The following HECW1 variants were observed in gnomAD, a reference collection of about 807,000 sequenced individuals.
HECW1 encodes HECT, C2 and WW domain containing E3 ubiquitin protein ligase 1, also known as E3 ubiquitin-protein ligase HECW1.
In HECW1, 61 loss-of-function variants were observed where a neutral mutation model predicts 182.3. That is an observed-to-expected ratio of 0.33 (90% confidence interval 0.27 to 0.41). The LOEUF is 0.41. Ranked by LOEUF, HECW1 falls within the 10% of genes least tolerant of loss-of-function variation. HECW1 has a pLI of 1.00. For synonymous variants in HECW1, 859 were observed against 832.6 expected, an observed-to-expected ratio of 1.03 and a Z score of -0.55; for missense variants, 1,739 against 2,108.9, an observed-to-expected ratio of 0.82 and a Z score of 3.44.
chr7:43,245,504 G>T (rs1799302332), intron 3 of HECW1: 1 of 152,180 alleles, frequency 6.6e-6, no homozygotes, highest in Admixed American at 6.5e-5. Context: ...GGAAGTTAGG[G>T]CTTCTCAGTC....
chr7:43,554,007 G>T (rs1400120344), intron 28 of HECW1, among the ~76,000 whole-genome samples: 1 of 152,130 alleles, frequency 6.6e-6, no homozygotes, highest in Non-Finnish European at 1.5e-5. Flanking sequence ...TCCAAGCATG[G>T]TCTCCCCAGC....
intron 2 of HECW1, among the ~76,000 whole-genome samples, chr7:43,137,266 A>G (rs766001331): frequency 2.6e-5 from 4 of 152,140 alleles, no homozygotes; most frequent in Non-Finnish European, 5.9e-5. Flanking sequence ...TGATGCTTTC[A>G]GCAGAGCCTC....
Position 43,172,085 on chromosome 7 carries a change from C to T in HECW1, c.-32+57694C>T, listed in dbSNP as rs182631497. Among the ~76,000 whole-genome samples the T allele has an allele frequency of 5.4e-5, 8 of 148,706 alleles. No individual in the cohort carries two copies. The East Asian group carries it at 1.6e-3, about 29-fold the overall frequency. On this transcript the variant is annotated intron_variant, in intron 2 of 29. Coordinates refer to ENST00000395891, the MANE Select transcript of HECW1 (RefSeq NM_015052.5). ...TTGAGGTCTGGCGTTCAAAACCAGC[C>T]TGGCCAACGTGATAAGACTCTGTCT...
At chr7:43,519,252 C>CT (rs879834750) in intron 24 of HECW1, among the ~76,000 whole-genome samples, 73 of 143,884 alleles carry the variant, frequency 5.1e-4, no homozygotes, top group Admixed American at 9.0e-4. Context: ...AGAGTGCAGA[C>CT]TTTTTTTTTT....
intron 6 of HECW1, among the ~76,000 whole-genome samples, chr7:43,375,480 T>A (rs950110821): frequency 2.0e-5 from 3 of 152,206 alleles, no homozygotes; most frequent in African/African-American, 7.2e-5. Flanking sequence ...TATAAAGAGA[T>A]ATGCTGAAAT....
intron 2 of HECW1, among the ~76,000 whole-genome samples, chr7:43,210,755 A>G (rs1795938246): frequency 6.6e-6 from 1 of 152,194 alleles, no homozygotes; most frequent in Non-Finnish European, 1.5e-5. Flanking sequence ...CCCAATCCAG[A>G]GCAGCAATGG....
At chr7:43,477,266 G>A (rs1409818337) in intron 16 of HECW1, among the ~76,000 whole-genome samples, 1 of 152,068 alleles carries the variant, frequency 6.6e-6, no homozygotes, top group Admixed American at 6.6e-5. Flanking sequence ...TATTAGTATG[G>A]ATCAATAATC....
chr7:43,316,742 T>C (rs1809312477), intron 4 of HECW1, among the ~76,000 whole-genome samples: 1 of 50,200 alleles, frequency 2.0e-5, no homozygotes, highest in Non-Finnish European at 4.4e-5. Context: ...ACAGCATCCA[T>C]TCCAGTTCTC....
chr7:43,547,313 C>A (rs2081602310), intron 26 of HECW1, among the ~76,000 whole-genome samples: 1 of 152,098 alleles, frequency 6.6e-6, no homozygotes, highest in East Asian at 1.9e-4. Flanking sequence ...CTTTGGGAGG[C>A]CAAGGTGGGC....
intron 2 of HECW1, among the ~76,000 whole-genome samples, chr7:43,153,566 T>C (rs1789574099): frequency 6.6e-6 from 1 of 152,150 alleles, no homozygotes; most frequent in East Asian, 1.9e-4. Context: ...TTCTTTGTAT[T>C]GGTTGTGCAG....
rs753215407 is a variant in HECW1, at chr7:43,466,541, G to A, written c.2886G>A (p.Glu962=). 8 of 1,613,936 alleles carry A rather than the reference G, an allele frequency of 5.0e-6. No homozygotes were observed. Among genetic ancestry groups the A allele is most frequent in the Middle Eastern group, 1.7e-4 (1 of 6,054 alleles). Residue 962 remains glutamate (E), a synonymous_variant, in exon 15 of 30, where the codon GAG becomes GAA. Coordinates refer to ENST00000395891, the MANE Select transcript of HECW1 (RefSeq NM_015052.5). ...SPAVKFITNP[E]FFTVLHANYS... ...CGGTCAAGTTCATCACCAACCCCGAGTTCTTCACTGTGCTACATGCCAATT... is the reference window on the plus strand; with the variant it reads ...CGGTCAAGTTCATCACCAACCCCGAATTCTTCACTGTGCTACATGCCAATT...
At position 43,565,576 on chromosome 7, in the gene HECW1, A is replaced by T. The variant is rs555810205; in HGVS notation, c.*3650A>T. The T allele has an allele frequency of 3.4e-4, 56 of 163,240 alleles. 1 individual carries two copies. The South Asian group carries it at 4.5e-3, about 13-fold the overall frequency. 10.1% of individuals were successfully genotyped at this position (163,240 alleles called of 1,614,324 possible). The stretch of plus-strand genomic sequence containing the variant: ...GTGGTGCTTTATTATTATTATTATT[A>T]TTATTTTTATTATTATTATTATTAC... On this transcript the variant is annotated 3_prime_UTR_variant, in exon 30 of 30. Coordinates refer to ENST00000395891, the MANE Select transcript of HECW1 (RefSeq NM_015052.5).
At chr7:43,118,518 T>C (rs960713749) in intron 2 of HECW1, 1 of 152,350 alleles carries the variant, frequency 6.6e-6, no homozygotes, top group Non-Finnish European at 1.5e-5. Context: ...AGCAAGTGAT[T>C]CCTCATCCTC....
At chr7:43,186,269 A>C (rs1193880758) in intron 2 of HECW1, among the ~76,000 whole-genome samples, 1 of 152,192 alleles carries the variant, frequency 6.6e-6, no homozygotes, top group Admixed American at 6.5e-5. Flanking sequence ...GTGCTTTATA[A>C]ATTACCTAAA....
intron 17 of HECW1, among the ~76,000 whole-genome samples, chr7:43,480,933 T>C (rs150127012): frequency 1.7e-3 from 256 of 152,326 alleles, no homozygotes; most frequent in African/African-American, 6.0e-3. Flanking sequence ...CTGTGTATAC[T>C]CTGAGAAACA....
At chr7:43,449,835 G>C (rs1453828160) in intron 11 of HECW1, among the ~76,000 whole-genome samples, 1 of 152,210 alleles carries the variant, frequency 6.6e-6, no homozygotes, top group Non-Finnish European at 1.5e-5. Flanking sequence ...ACTCTGCAAA[G>C]ATCAAGAGCA....
intron 6 of HECW1, among the ~76,000 whole-genome samples, chr7:43,390,115 A>C (rs938158409): frequency 2.0e-5 from 3 of 152,074 alleles, no homozygotes; most frequent in African/African-American, 7.2e-5. Context: ...CATTTTTCCA[A>C]CCCCTCTCTT....
chr7:43,415,125 G>A (rs1219076812), intron 8 of HECW1, among the ~76,000 whole-genome samples: 27 of 145,550 alleles, frequency 1.9e-4, no homozygotes, highest in Non-Finnish European at 2.0e-4. Context: ...TCCTAGTCTC[G>A]ATGGTCTTTA....
chr7:43,494,329 G>T (rs761158778), intron 19 of HECW1, among the ~76,000 whole-genome samples: 1 of 151,928 alleles, frequency 6.6e-6, no homozygotes, highest in Admixed American at 6.6e-5. Context: ...TCCCTGCCAT[G>T]GTTCAAGTTT....
Sources: allele counts gnomAD v4.1 joint callset (sites outside exome capture counted in the v4.1 genomes callset), GRCh38; gene constraint gnomAD v4.1.1; transcripts MANE v1.5; gene names NCBI Gene and HGNC (gene_info 2026-07-23, HGNC 2026-07-21).